The following GFPT1 variants were observed in gnomAD, a reference collection of about 807,000 sequenced individuals.
GFPT1 encodes glutamine--fructose-6-phosphate transaminase 1, also known as glutamine--fructose-6-phosphate aminotransferase [isomerizing] 1.
A neutral mutation model predicts 92.0 loss-of-function variants in GFPT1; 40 were observed. That is an observed-to-expected ratio of 0.43 (90% confidence interval 0.34 to 0.57). The LOEUF is 0.57. Ranked by LOEUF, GFPT1 falls within the 20% of genes least tolerant of loss-of-function variation. GFPT1 has a pLI of 0.02. For missense variants in GFPT1, 448 were observed against 869.1 expected (o/e 0.52, Z 6.09); for synonymous variants, 269 against 280.6 (o/e 0.96, Z 0.41).
chr2:69,340,785 CA>C (rs1255313777), intron 13 of GFPT1, among the ~76,000 whole-genome samples: 1 of 152,106 alleles, frequency 6.6e-6, no homozygotes, highest in Admixed American at 6.6e-5. Context: ...ATCCACAAAA[CA>C]ACAAAAAATC....
chr2:69,344,512 T>C (rs1361880249), intron 12 of GFPT1, among the ~76,000 whole-genome samples: 3 of 152,074 alleles, frequency 2.0e-5, no homozygotes, highest in African/African-American at 7.2e-5. Context: ...TGGGGAGTAG[T>C]TTGGTTCAAT....
At chr2:69,328,524 C>A (rs1574040888) in intron 17 of GFPT1, 86 bp from the exon 18 acceptor site, 3 of 915,586 alleles carry the variant, frequency 3.3e-6, no homozygotes, top group African/African-American at 1.6e-5. Flanking sequence ...TCTGATATGT[C>A]AAGCCACTGT....
intron 1 of GFPT1, among the ~76,000 whole-genome samples, chr2:69,379,298 C>T (rs181824790): frequency 6.6e-6 from 1 of 152,034 alleles, no homozygotes; most frequent in Admixed American, 6.5e-5. Context: ...TAGGCCAAGG[C>T]GGGAGGATCA....
chr2:69,370,142 G>C, intron 2 of GFPT1, 34 bp from the exon 3 acceptor site: 1 of 1,228,436 alleles, frequency 8.1e-7, no homozygotes, highest in African/African-American at 1.5e-5. Context: ...GCAAAATTTA[G>C]AAACTGGCTA....
At chr2:69,358,154 G>T (rs58791355) in intron 6 of GFPT1, among the ~76,000 whole-genome samples, 175 bp downstream of exon 6, 26 of 149,906 alleles carry the variant, frequency 1.7e-4, no homozygotes, top group African/African-American at 6.3e-4. Context: ...AATGGAGGGT[G>T]GGGGGGAATC....
intron 9 of GFPT1, 147 bp downstream of exon 9, chr2:69,354,112 T>G: frequency 1.9e-6 from 1 of 533,152 alleles, no homozygotes; most frequent in Non-Finnish European, 3.2e-6. Context: ...CTCCGCAAAT[T>G]AGAAAAATGT....
rs180856058 is a variant in GFPT1, at chr2:69,361,532, T to C, written c.349+2013A>G. Among the ~76,000 whole-genome samples the C allele has an allele frequency of 2.6e-5, 4 of 152,114 alleles. No individual in the cohort carries two copies. In the East Asian group the frequency reaches 7.7e-4, roughly 29 times the overall value. On this transcript the variant is annotated intron_variant, in intron 4 of 19. Transcript: ENST00000357308. ...TAAAGGTCTTAACTTAAAGCCAAAT[T>C]CTCAAAACATAATCTAGATGTAAGT... is the stretch of plus-strand genomic sequence containing the variant.
At chr2:69,384,719 A>C (rs558372432) in intron 1 of GFPT1, among the ~76,000 whole-genome samples, 13 of 150,726 alleles carry the variant, frequency 8.6e-5, no homozygotes, top group Non-Finnish European at 1.8e-4. Flanking sequence ...AAAAGAAAAA[A>C]GAAAGAAAGA....
chr2:69,374,847 G>C lies in GFPT1; in HGVS notation c.8-734C>G, dbSNP rs1457416453. ...TAACCATGCTATCAGTGACATTTAG[G>C]AATAAATGATATGAAAAATACTCAC... On this transcript the variant is annotated intron_variant, in intron 1 of 19. Coordinates refer to ENST00000357308, the MANE Select transcript of GFPT1 (RefSeq NM_001244710.2). Among the ~76,000 whole-genome samples the C allele has an allele frequency of 2.0e-5, 3 of 151,978 alleles. No homozygotes were observed. The East Asian group carries it at 5.8e-4, about 29-fold the overall frequency.
chr2:69,320,635 A>G lies in GFPT1; in HGVS notation c.*5554T>C, dbSNP rs1670381391. The G allele has an allele frequency of 6.6e-6, 1 of 152,246 alleles. No homozygotes were observed. Among genetic ancestry groups the G allele is most frequent in the Non-Finnish European group, 1.5e-5 (1 of 68,086 alleles). The allele number at this position is 152,246 out of a possible 1,614,324, so 9.4% of individuals were successfully genotyped here. ...AAACCCCGTCTCTACTAAAAACACA[A>G]AAATTAGCTAGGCATGGTGGCACGT... On this transcript the variant is annotated 3_prime_UTR_variant, in exon 20 of 20. Coordinates refer to ENST00000357308, the MANE Select transcript of GFPT1 (RefSeq NM_001244710.2).
intron 4 of GFPT1, among the ~76,000 whole-genome samples, chr2:69,361,302 G>T (rs2104661281): frequency 6.6e-6 from 1 of 151,890 alleles, no homozygotes; most frequent in South Asian, 2.1e-4. Context: ...ACAAAAAATT[G>T]CCAGGCGTGG....
chr2:69,385,052 C>A (rs1056213347), intron 1 of GFPT1, among the ~76,000 whole-genome samples: 8 of 152,150 alleles, frequency 5.3e-5, no homozygotes, highest in Non-Finnish European at 1.2e-4. Context: ...AAAAGCAGGA[C>A]CTCAGAAATG....
intron 19 of GFPT1, among the ~76,000 whole-genome samples, chr2:69,326,634 T>C (rs1465878160): frequency 6.6e-6 from 1 of 152,128 alleles, no homozygotes; most frequent in African/African-American, 2.4e-5. Flanking sequence ...CAAATGCCAA[T>C]AGCTGCCCTG....
rs753279036 is a variant in GFPT1, at chr2:69,358,477, GA to G, written c.409-15del. Reference sequence around the variant, plus strand: ...GCCTTTGCTTTCCTGTAAGTAGAAAGAAAAAAAAGATACAATTAAAGAAATA... The same window carrying G: ...GCCTTTGCTTTCCTGTAAGTAGAAAGAAAAAAAGATACAATTAAAGAAATA... On this transcript the variant is annotated splice_polypyrimidine_tract_variant and intron_variant, in intron 5 of 19. Transcript: ENST00000357308. 3.4e-5 allele frequency: 53 copies of G among 1,554,000 alleles called. No homozygotes were observed. The highest frequency in any genetic ancestry group is 4.2e-5 in the Non-Finnish European group (47 of 1,132,500).
chr2:69,329,823 C>T (rs1470939479), intron 15 of GFPT1, 25 bp from the exon 16 acceptor site: 1 of 1,119,970 alleles, frequency 8.9e-7, no homozygotes. Flanking sequence ...AAAAGCAGGA[C>T]AATTAGTTGC....
chr2:69,327,001 G>A lies in GFPT1; in HGVS notation c.1968C>T (p.Pro656=), dbSNP rs758522540. 3.1e-6 allele frequency: 5 copies of A among 1,613,928 alleles called. No homozygotes were observed. The Admixed American group carries it at 6.7e-5, about 22-fold the overall frequency. ...TGCCCTGCAAGCAGTCCACTGAGTGGGGCACCTTGATCGTTCTTTTTGTGT... is the reference window on the plus strand; with the variant it reads ...TGCCCTGCAAGCAGTCCACTGAGTGAGGCACCTTGATCGTTCTTTTTGTGT... The part of the protein sequence containing the change: ...IKNTKRTIKV[P]HSVDCLQGIL... Residue 656 remains proline (P), a synonymous_variant, in exon 19 of 20, where the codon CCC becomes CCT. Transcript: ENST00000357308.
chr2:69,350,916 AAAAAAG>A (rs1671190203), intron 9 of GFPT1, among the ~76,000 whole-genome samples: 2 of 151,980 alleles, frequency 1.3e-5, no homozygotes, highest in African/African-American at 4.8e-5. Flanking sequence ...AAAAAAAAAA[AAAAAAG>A]AAAAAGAAAA....
rs372955837 is a variant in GFPT1 at position 69,382,794 on chromosome 2, G to C, written c.7+4271C>G. Among the ~76,000 whole-genome samples the C allele has an allele frequency of 1.8e-4, 27 of 152,174 alleles. No individual in the cohort carries two copies. The East Asian group carries it at 4.1e-3, about 23-fold the overall frequency. ...ACTCTACAAGTTGAGTAAAAGTCCT[G>C]CCCCATCACCCAGAACATTCCTGAA... On this transcript the variant is annotated intron_variant, in intron 1 of 19. Transcript: ENST00000357308.
At chr2:69,365,816 A>T (rs895874279) in intron 3 of GFPT1, among the ~76,000 whole-genome samples, 1 of 150,150 alleles carries the variant, frequency 6.7e-6, no homozygotes, top group Non-Finnish European at 1.5e-5. Context: ...TACTTTTTTT[A>T]TTTTTTTTTT....
Sources: gnomAD v4.1 joint callset for allele counts (sites outside exome capture counted in the v4.1 genomes callset) on GRCh38, gnomAD v4.1.1 for gene constraint, MANE v1.5 for transcripts, NCBI Gene and HGNC (gene_info 2026-07-23, HGNC 2026-07-21) for gene names.